The following MROH9 variants were observed in gnomAD, a reference collection of about 807,000 sequenced individuals.
The protein encoded by MROH9 is maestro heat like repeat family member 9.
In MROH9, 92 loss-of-function variants were observed where a neutral mutation model predicts 98.2. The ratio of observed to expected loss-of-function variants is 0.94; its 90% CI spans 0.79 to 1.11. The LOEUF is 1.11. MROH9 is among the 50% of genes most tolerant of loss of function. The pLI is 0.00. For synonymous variants in MROH9, 397 were observed against 368.9 expected, an observed-to-expected ratio of 1.08 and a Z score of -0.87; for missense variants, 1,057 against 1,014.8, an observed-to-expected ratio of 1.04 and a Z score of -0.57.
At chr1:171,048,103 C>A (rs1653523701) in intron 20 of MROH9, among the ~76,000 whole-genome samples, 1 of 152,186 alleles carries the variant, frequency 6.6e-6, no homozygotes, top group African/African-American at 2.4e-5. Context: ...ACTGGGTCGA[C>A]CTGAAGCCAG....
chr1:171,035,820 G>A (rs73040216), intron 20 of MROH9, among the ~76,000 whole-genome samples: 5,787 of 152,140 alleles, frequency 0.038, 368 homozygotes, highest in African/African-American at 0.13. Context: ...TGCTGTTGGC[G>A]GAGAAAATTC....
chr1:171,015,315 T>C (rs910640338), intron 16 of MROH9, among the ~76,000 whole-genome samples: 1 of 152,126 alleles, frequency 6.6e-6, no homozygotes, highest in Non-Finnish European at 1.5e-5. Context: ...CCAGAGCTCT[T>C]CCCAATGTTA....
intron 1 of MROH9, among the ~76,000 whole-genome samples, chr1:170,936,306 T>C (rs1430983660): frequency 6.6e-6 from 1 of 152,122 alleles, no homozygotes; most frequent in Non-Finnish European, 1.5e-5. Flanking sequence ...GAGTTGATGA[T>C]AAAAATTCCA....
At chr1:171,058,727 G>A (rs528455946) in intron 20 of MROH9, among the ~76,000 whole-genome samples, 11 of 152,202 alleles carry the variant, frequency 7.2e-5, no homozygotes, top group Middle Eastern at 3.4e-3. Flanking sequence ...CAAACCTGAC[G>A]AAAACAAGCA....
intron 3 of MROH9, among the ~76,000 whole-genome samples, chr1:170,952,191 G>A (rs1649577227): frequency 6.6e-6 from 1 of 151,974 alleles, no homozygotes; most frequent in African/African-American, 2.4e-5. Context: ...AGTCAGTGTG[G>A]CGATTCCTCA....
intron 3 of MROH9, among the ~76,000 whole-genome samples, chr1:170,954,760 T>C (rs1649696197): frequency 6.6e-6 from 1 of 152,078 alleles, no homozygotes; most frequent in Non-Finnish European, 1.5e-5. Flanking sequence ...TCCTTGACAA[T>C]TAATATTATT....
At chr1:171,061,781 G>A (rs191016277) in intron 20 of MROH9, among the ~76,000 whole-genome samples, 1 of 152,128 alleles carries the variant, frequency 6.6e-6, no homozygotes, top group Non-Finnish European at 1.5e-5. Context: ...GCAAAGGAAA[G>A]CAGACACAAA....
At chr1:170,947,343 T>A (rs1649369407) in intron 2 of MROH9, among the ~76,000 whole-genome samples, 184 bp from the exon 3 acceptor site, 1 of 151,968 alleles carries the variant, frequency 6.6e-6, no homozygotes, top group Non-Finnish European at 1.5e-5. Context: ...TACTAATCTT[T>A]TTGTTAAGTG....
intron 15 of MROH9, 111 bp downstream of exon 15, chr1:170,998,385 A>G: frequency 6.2e-7 from 1 of 1,610,472 alleles, no homozygotes; most frequent in Non-Finnish European, 8.5e-7. Flanking sequence ...GTTCTTACCA[A>G]GACTTAAGAT....
chr1:170,985,991 G>A (rs1346161725), intron 9 of MROH9, among the ~76,000 whole-genome samples: 2 of 151,930 alleles, frequency 1.3e-5, no homozygotes, highest in African/African-American at 4.8e-5. Flanking sequence ...GAGAAAATTT[G>A]GCTCGTTTAT....
chr1:170,947,648 C>G (rs1649385641), intron 3 of MROH9, 75 bp downstream of exon 3: 1 of 1,283,558 alleles, frequency 7.8e-7, no homozygotes, highest in Non-Finnish European at 1.1e-6. Context: ...GTTTCCATTA[C>G]AAGGATGTTA....
At chr1:170,940,002 C>T (rs1260347892) in intron 1 of MROH9, among the ~76,000 whole-genome samples, 1 of 152,214 alleles carries the variant, frequency 6.6e-6, no homozygotes, top group Non-Finnish European at 1.5e-5. Flanking sequence ...GACTGTACAA[C>T]AGCCTGGACC....
At chr1:170,947,691 G>T in intron 3 of MROH9, 118 bp downstream of exon 3, 1 of 923,312 alleles carries the variant, frequency 1.1e-6, no homozygotes, top group Non-Finnish European at 1.6e-6. Context: ...TGTTGGGGGA[G>T]AAAGGGGAAA....
Position 171,004,769 on chromosome 1 carries a change from C to T in MROH9, c.1596+6495C>T, listed in dbSNP as rs1226862754. ...CAATCTAGTCCTGCTTCCCATCTGC[C>T]ATGATCCCTCCTTGTCACCAGGTGG... On this transcript the variant is annotated intron_variant, in intron 15 of 21. Transcript: ENST00000367759. 2.0e-5 allele frequency among the ~76,000 whole-genome samples: 3 copies of T among 151,938 alleles called. 1 individual carries two copies. The highest frequency in any genetic ancestry group is 7.3e-5 in the African/African-American group (3 of 41,238).
intron 3 of MROH9, among the ~76,000 whole-genome samples, chr1:170,949,536 A>G (rs907654288): frequency 6.6e-6 from 1 of 152,224 alleles, no homozygotes; most frequent in Admixed American, 6.5e-5. Flanking sequence ...GATACTCCTT[A>G]TAAGTAATAA....
At chr1:170,995,299 G>A in intron 12 of MROH9, 90 bp from the exon 13 acceptor site, 1 of 1,404,628 alleles carries the variant, frequency 7.1e-7, no homozygotes, top group Non-Finnish European at 9.9e-7. Flanking sequence ...AGGAGGGGTT[G>A]CAGAGTCACT....
intron 20 of MROH9, among the ~76,000 whole-genome samples, chr1:171,026,279 CT>C (rs113090622): frequency 1.7e-3 from 238 of 143,460 alleles, no homozygotes; most frequent in Middle Eastern, 3.6e-3. Flanking sequence ...ATTTTCTTTT[CT>C]TTTTTTTTTT....
intron 20 of MROH9, among the ~76,000 whole-genome samples, chr1:171,060,355 C>T (rs1452939656): frequency 6.6e-6 from 1 of 152,088 alleles, no homozygotes; most frequent in Admixed American, 6.6e-5. Flanking sequence ...TCAGTTCTCC[C>T]CAAATTGATC....
chr1:170,967,191 G>A (rs1335188211), intron 7 of MROH9, among the ~76,000 whole-genome samples: 4 of 152,086 alleles, frequency 2.6e-5, no homozygotes, highest in African/African-American at 4.8e-5. Flanking sequence ...AGATTTGTTC[G>A]AGAAACCCAA....
Sources: gnomAD v4.1 joint callset for allele counts (sites outside exome capture counted in the v4.1 genomes callset) on GRCh38, gnomAD v4.1.1 for gene constraint, MANE v1.5 for transcripts, NCBI Gene and HGNC (gene_info 2026-07-23, HGNC 2026-07-21) for gene names.